Variants in RSF1 observed in about 807,000 individuals in gnomAD.
RSF1 encodes remodeling and spacing factor 1.
RSF1 carries 13 observed loss-of-function variants against 145.2 expected under a neutral mutation model. That is an observed-to-expected ratio of 0.09 (90% CI 0.06 to 0.14). RSF1 has a LOEUF of 0.14. Ranked by LOEUF, RSF1 falls within the 10% of genes least tolerant of loss-of-function variation. The pLI is 1.00. For synonymous variants in RSF1, 577 were observed against 592.6 expected, an observed-to-expected ratio of 0.97 and a Z score of 0.38; for missense variants, 1,517 against 1,718.2, an observed-to-expected ratio of 0.88 and a Z score of 2.07.
At chr11:77,852,428 A>AT in the RSF1 span, among the ~76,000 whole-genome samples, 63 of 152,072 alleles carry the variant, frequency 4.1e-4, 1 homozygote, top group African/African-American at 1.5e-3. Context: ...TATTTACATG[A>AT]TTCAGAATTC....
chr11:77,794,646 C>G (rs1369310338), intron 1 of RSF1, among the ~76,000 whole-genome samples: 1 of 152,004 alleles, frequency 6.6e-6, no homozygotes, highest in Non-Finnish European at 1.5e-5. Flanking sequence ...AACAAATTAT[C>G]AATCTCTTCA....
At position 77,678,068 on chromosome 11, in the gene RSF1, A is replaced by AGAAC. The variant is rs776849550; in HGVS notation, c.3133+14_3133+17dup. On this transcript the variant is annotated intron_variant, in intron 12 of 15. Coordinates refer to ENST00000308488, the MANE Select transcript of RSF1 (RefSeq NM_016578.4). ...CTTGGCAGAGTTCTATGAAGAAGAG[A>AGAAC]GAACGACAAACACATACCTCCTCCA... is the stretch of plus-strand genomic sequence containing the variant. 6.3e-7 allele frequency: 1 copy of AGAAC among 1,597,328 alleles called. No homozygotes were observed. Among genetic ancestry groups the AGAAC allele is most frequent in the Non-Finnish European group, 8.6e-7 (1 of 1,165,318 alleles).
chr11:77,678,119 T>C lies in RSF1; in HGVS notation c.3100A>G (p.Ile1034Val), dbSNP rs1327783316. The C allele has an allele frequency of 1.9e-6, 3 of 1,611,020 alleles. No homozygotes were observed. The highest frequency in any genetic ancestry group is 2.5e-6 in the Non-Finnish European group (3 of 1,178,698). ...TCGGCTTCTTTGATGTCATCTTCAA[T>C]AGCTTCATCAATTGCTTCATCAAAC... The part of the protein sequence containing the change: ...DEFDEAIDEA[I>V]EDDIKEADGG... The change falls in exon 12 of 16, where the codon ATT becomes GTT. Residue 1034 changes from isoleucine to valine, a missense_variant. By Grantham distance (29) the Ile-to-Val change is conservative. Around this residue, in one of 12 missense-constraint regions of RSF1, gnomAD observed 231 missense variants for 276.6 expected, o/e 0.84. Transcript: ENST00000308488.
At chr11:77,674,792 G>C (rs1279233263) in intron 14 of RSF1, among the ~76,000 whole-genome samples, 1 of 152,162 alleles carries the variant, frequency 6.6e-6, no homozygotes, top group Non-Finnish European at 1.5e-5. Flanking sequence ...CTGAGGTCGG[G>C]AGTTTGAGAC....
rs1391517077 is a variant in RSF1, at chr11:77,737,619, GGGGTGTGTGTGT to G, written c.578+3100_578+3111del. Among the ~76,000 whole-genome samples the G allele has an allele frequency of 2.9e-3, 294 of 102,380 alleles. 1 individual carries two copies. Among genetic ancestry groups the G allele is most frequent in the African/African-American group, 9.0e-3 (241 of 26,752 alleles). The allele number at this position is 102,380 out of a possible 152,430, so 67.2% of individuals were successfully genotyped here. ...TGGAAAGAAGTTTTATGTGTTTTGGGGGGTGTGTGTGTGTGTGTGTGTGTGTGTGTGTGTGTG... is the reference window on the plus strand; with the variant it reads ...TGGAAAGAAGTTTTATGTGTTTTGGGGTGTGTGTGTGTGTGTGTGTGTGTG... On this transcript the variant is annotated intron_variant, in intron 4 of 15. Coordinates refer to ENST00000308488, the MANE Select transcript of RSF1 (RefSeq NM_016578.4).
rs564410248 is a variant in RSF1, at chr11:77,686,408, C to CAAAAAAAAAAAAAAAAAAAAAAAAAAA, written c.2901-1250_2901-1249insTTTTTTTTTTTTTTTTTTTTTTTTTTT. Among the ~76,000 whole-genome samples the CAAAAAAAAAAAAAAAAAAAAAAAAAAA allele has an allele frequency of 8.1e-4, 30 of 37,114 alleles. 3 individuals are homozygous for CAAAAAAAAAAAAAAAAAAAAAAAAAAA. The highest frequency in any genetic ancestry group is 9.5e-4 in the Non-Finnish European group (20 of 21,054). 24.3% of individuals were successfully genotyped at this position (37,114 alleles called of 152,430 possible). ...GGGCATCAAGAGTGAGACCCTGTCT[C>CAAAAAAAAAAAAAAAAAAAAAAAAAAA]AAAAAAAAAAAAAAAAAAAAGCAGG... On this transcript the variant is annotated intron_variant, in intron 9 of 15. Coordinates refer to ENST00000308488, the MANE Select transcript of RSF1 (RefSeq NM_016578.4).
chr11:77,711,117 C>G (rs902730693), intron 5 of RSF1, among the ~76,000 whole-genome samples: 47 of 149,730 alleles, frequency 3.1e-4, no homozygotes, highest in South Asian at 8.5e-4. Flanking sequence ...ATAGACACCC[C>G]CCCTGACCCC....
Position 77,697,749 on chromosome 11 carries a change from G to A in RSF1, c.2715+738C>T, listed in dbSNP as rs1460391758. 2.6e-5 allele frequency among the ~76,000 whole-genome samples: 4 copies of A among 151,212 alleles called. No individual in the cohort carries two copies. The East Asian group carries it at 7.7e-4, about 29-fold the overall frequency. On this transcript the variant is annotated intron_variant, in intron 7 of 15. Coordinates refer to ENST00000308488, the MANE Select transcript of RSF1 (RefSeq NM_016578.4). Reference sequence around the variant, plus strand: ...ATATAGCAGGTGTATATATTTATAGGGTACATGTGATGTTTTAATAAAGGC... The same window carrying A: ...ATATAGCAGGTGTATATATTTATAGAGTACATGTGATGTTTTAATAAAGGC...
intron 4 of RSF1, among the ~76,000 whole-genome samples, chr11:77,732,596 G>T (rs935582573): frequency 2.0e-5 from 3 of 152,146 alleles, no homozygotes; most frequent in African/African-American, 7.2e-5. Flanking sequence ...GAAGGCGATT[G>T]AATTAAGGGT....
chr11:77,715,166 A>T (rs946246837), intron 5 of RSF1, among the ~76,000 whole-genome samples: 1 of 152,152 alleles, frequency 6.6e-6, no homozygotes, highest in Non-Finnish European at 1.5e-5. Context: ...AGAGGAGTTA[A>T]AAAATTATTT....
chr11:77,743,257 T>G (rs1284593340), intron 3 of RSF1, among the ~76,000 whole-genome samples: 2 of 152,174 alleles, frequency 1.3e-5, no homozygotes, highest in East Asian at 3.8e-4. Flanking sequence ...AGGGTTGTGT[T>G]TTATTTCTGT....
At chr11:77,672,274 T>C (rs780973641) in intron 14 of RSF1, 44 bp from the exon 15 acceptor site, 5 of 1,468,686 alleles carry the variant, frequency 3.4e-6, no homozygotes, top group Non-Finnish European at 4.6e-6. Context: ...TTTAAGTCTA[T>C]TTAGAAATGT....
chr11:77,833,006 T>C, the RSF1 span, among the ~76,000 whole-genome samples: 13 of 86,806 alleles, frequency 1.5e-4, no homozygotes, highest in African/African-American at 6.2e-4. Context: ...TGTATATATA[T>C]ATATTTTTTT....
At chr11:77,728,049 T>C (rs75820684) in intron 4 of RSF1, among the ~76,000 whole-genome samples, 3,126 of 152,312 alleles carry the variant, frequency 0.021, 98 homozygotes, top group African/African-American at 0.07. Context: ...TTTTAGACTA[T>C]GGACCCTAAC....
At chr11:77,776,174 C>A (rs1406587916) in intron 1 of RSF1, among the ~76,000 whole-genome samples, 2 of 152,070 alleles carry the variant, frequency 1.3e-5, no homozygotes, top group East Asian at 3.9e-4. Flanking sequence ...ATTGCACCAA[C>A]TGCACTTCAG....
chr11:77,727,892 C>T lies in RSF1; in HGVS notation c.579-2193G>A, dbSNP rs554563309. On this transcript the variant is annotated intron_variant, in intron 4 of 15. Coordinates refer to ENST00000308488, the MANE Select transcript of RSF1 (RefSeq NM_016578.4). Reference sequence around the variant, plus strand: ...TGTTTAAACACAAGCCTAAGGTAGTCGTTATTATATGAAAACAAAACTACC... The same window carrying T: ...TGTTTAAACACAAGCCTAAGGTAGTTGTTATTATATGAAAACAAAACTACC... Among the ~76,000 whole-genome samples the T allele has an allele frequency of 8.5e-5, 13 of 152,252 alleles. No homozygotes were observed. In the South Asian group the frequency reaches 1.0e-3, roughly 12 times the overall value.
intron 8 of RSF1, chr11:77,691,749 TA>T (rs544117473): frequency 4.6e-5 from 7 of 151,116 alleles, no homozygotes; most frequent in South Asian, 2.1e-4. Context: ...TGACTATCCT[TA>T]AAAAAAAAGA....
upstream of RSF1, among the ~76,000 whole-genome samples, chr11:77,825,689 A>AT (rs1484975141): frequency 1.4e-5 from 2 of 147,784 alleles, no homozygotes; most frequent in Non-Finnish European, 1.5e-5. Flanking sequence ...CTTACTACCC[A>AT]TTTTTTTTGT....
At chr11:77,693,644 TG>T in intron 7 of RSF1, 33 bp from the exon 8 acceptor site, 1 of 1,477,968 alleles carries the variant, frequency 6.8e-7, no homozygotes, top group South Asian at 1.2e-5. Context: ...AACCTAACTA[TG>T]ACTAAAATTC....
Sources: allele counts gnomAD v4.1 joint callset (sites outside exome capture counted in the v4.1 genomes callset), GRCh38; gene constraint gnomAD v4.1.1; regional missense constraint gnomAD v4.1.1; transcripts MANE v1.5; gene names NCBI Gene and HGNC (gene_info 2026-07-23, HGNC 2026-07-21).